Variants in CIT observed in about 807,000 individuals in gnomAD.
CIT encodes the protein citron Rho-interacting kinase.
In CIT, 79 loss-of-function variants were observed where a neutral mutation model predicts 272.7. That is an observed-to-expected ratio of 0.29 (90% CI 0.24 to 0.35). The LOEUF (loss-of-function observed/expected upper bound fraction) is 0.35. Among genes scored for constraint, CIT ranks in the 10% least tolerant of loss-of-function variants. The pLI, the probability that CIT is intolerant of heterozygous loss-of-function variation, is 1.00. For synonymous variants in CIT, 948 were observed against 995.6 expected (o/e 0.95, Z 0.90); for missense variants, 1,909 against 2,618.3 (o/e 0.73, Z 5.91).
At position 119,726,572 on chromosome 12, in the gene CIT, T is replaced by C. The variant is rs905783917; in HGVS notation, c.3591+1930A>G. ...ACTATACTTTTCAAACTTAACAGCA[T>C]AACAATATTATTTCTATCAGCAAAG... On this transcript the variant is annotated intron_variant, in intron 28 of 47. Coordinates refer to ENST00000392521, the MANE Select transcript of CIT (RefSeq NM_001206999.2). Among the ~76,000 whole-genome samples, 3 of 151,940 alleles carry C rather than the reference T, an allele frequency of 2.0e-5. No homozygotes were observed. The South Asian group carries it at 6.2e-4, about 32-fold the overall frequency.
At chr12:119,764,790 G>A (rs1413295506) in intron 19 of CIT, among the ~76,000 whole-genome samples, 1 of 152,026 alleles carries the variant, frequency 6.6e-6, no homozygotes, top group African/African-American at 2.4e-5. Context: ...TCTAACTGAT[G>A]CCCAATCAAA....
In CIT at chr12:119,728,624, T is replaced by C; in HGVS notation, c.3487-18A>G. ...TCATTGAGCTAGACATTTGGAAAGA[T>C]TGGCATAATGCCACACTTAGGAATG... On this transcript the variant is annotated intron_variant, in intron 27 of 47. Transcript: ENST00000392521. This position sits in a 1 kb window ranked among gnomAD's most constrained non-coding sequence, Gnocchi z 4.3. 1 of 1,521,788 alleles carries C rather than the reference T, an allele frequency of 6.6e-7. No individual in the cohort carries two copies. Among genetic ancestry groups the C allele is most frequent in the Non-Finnish European group, 9.1e-7 (1 of 1,102,230 alleles). 94.3% of individuals were successfully genotyped at this position (1,521,788 alleles called of 1,614,324 possible). A position where few individuals can be genotyped will look rare whatever the true frequency, so the allele number is the denominator to read the frequency against.
chr12:119,866,899 C>T (rs918955920), intron 3 of CIT, among the ~76,000 whole-genome samples: 1 of 152,178 alleles, frequency 6.6e-6, no homozygotes, highest in African/African-American at 2.4e-5. Flanking sequence ...GGGCTGTGTT[C>T]CAGTAAAACC....
intron 37 of CIT, chr12:119,711,160 A>G (rs1238457043): frequency 8.6e-6 from 11 of 1,279,712 alleles, no homozygotes; most frequent in African/African-American, 1.5e-5. Flanking sequence ...CAAGTCATCC[A>G]AACAGGTCTA....
intron 44 of CIT, chr12:119,700,026 G>A (rs894758929): frequency 2.9e-5 from 12 of 415,698 alleles, no homozygotes; most frequent in South Asian, 1.0e-4. Flanking sequence ...GATGTTCATC[G>A]TAGTGTTGTT....
At chr12:119,816,258 C>A (rs986516272) in intron 9 of CIT, among the ~76,000 whole-genome samples, 1 of 152,126 alleles carries the variant, frequency 6.6e-6, no homozygotes, top group Non-Finnish European at 1.5e-5. Flanking sequence ...AAGGAAATAT[C>A]TTTTTGCTAT....
At chr12:119,737,491 A>G (rs562056081) in intron 24 of CIT, among the ~76,000 whole-genome samples, 254 of 152,206 alleles carry the variant, frequency 1.7e-3, no homozygotes, top group South Asian at 4.4e-3. Context: ...GCAATTTATC[A>G]TTTGTGATGG....
chr12:119,825,617 A>C (rs1349360385), intron 7 of CIT, among the ~76,000 whole-genome samples: 1 of 152,164 alleles, frequency 6.6e-6, no homozygotes, highest in Non-Finnish European at 1.5e-5. Context: ...ATATACACAC[A>C]GCCTTCAGTT....
chr12:119,815,766 G>C (rs1967126536), intron 9 of CIT, among the ~76,000 whole-genome samples: 1 of 152,106 alleles, frequency 6.6e-6, no homozygotes, highest in Non-Finnish European at 1.5e-5. Context: ...TAAGAGGATA[G>C]GTTGTGCTAG....
chr12:119,703,711 C>A (rs1419619623), intron 41 of CIT, among the ~76,000 whole-genome samples: 6 of 152,312 alleles, frequency 3.9e-5, no homozygotes, highest in African/African-American at 1.2e-4. Context: ...TAGGCCTGAG[C>A]CAACATGCCC....
At chr12:119,693,229 T>C (rs1251834251) in intron 46 of CIT, among the ~76,000 whole-genome samples, 1 of 152,152 alleles carries the variant, frequency 6.6e-6, no homozygotes, top group Admixed American at 6.5e-5. Context: ...ACCACATCAA[T>C]TTTATGGTTT....
At chr12:119,766,242 GA>G (rs35120695) in intron 19 of CIT, among the ~76,000 whole-genome samples, 118,609 of 151,014 alleles carry the variant, frequency 0.79, 46,698 homozygotes, top group Middle Eastern at 0.89. Context: ...AAGTTGAAGG[GA>G]AAAAAAAAAG....
chr12:119,745,374 CAAAAAAAA>C (rs757825062), intron 23 of CIT, among the ~76,000 whole-genome samples: 10 of 7,014 alleles, frequency 1.4e-3, no homozygotes, highest in Admixed American at 8.4e-3. Context: ...AAGAAACAAG[CAAAAAAAA>C]AAAAAAAAAA....
chr12:119,873,961 G>A (rs567162846), intron 2 of CIT, among the ~76,000 whole-genome samples: 2 of 152,212 alleles, frequency 1.3e-5, no homozygotes, highest in South Asian at 4.2e-4. Context: ...TTTACTAAGA[G>A]CCAGGCAAGG....
intron 3 of CIT, among the ~76,000 whole-genome samples, chr12:119,864,053 G>T (rs542629872): frequency 6.6e-6 from 1 of 151,458 alleles, no homozygotes; most frequent in Non-Finnish European, 1.5e-5. Flanking sequence ...ATCTATTATC[G>T]CAGCCCAAAC....
intron 40 of CIT, 56 bp downstream of exon 40, chr12:119,708,123 G>C: frequency 6.9e-7 from 1 of 1,450,506 alleles, no homozygotes; most frequent in East Asian, 2.6e-5. Flanking sequence ...TGTGGGAAGA[G>C]AGGTAGTGTC....
chr12:119,691,826 A>ATTT (rs1392563391), intron 46 of CIT, among the ~76,000 whole-genome samples: 10 of 152,218 alleles, frequency 6.6e-5, no homozygotes, highest in Non-Finnish European at 1.0e-4. Context: ...CAGCTCTAAA[A>ATTT]GTACTAGGGT....
At chr12:119,749,978 G>A (rs1959986522) in intron 23 of CIT, among the ~76,000 whole-genome samples, 1 of 152,190 alleles carries the variant, frequency 6.6e-6, no homozygotes, top group African/African-American at 2.4e-5. Context: ...CAACAGAGCA[G>A]CAAGATAAAT....
chr12:119,710,745 C>A lies in CIT; in HGVS notation c.4855-125G>T. 2 of 899,588 alleles carry A rather than the reference C, an allele frequency of 2.2e-6. No homozygotes were observed. Among genetic ancestry groups the A allele is most frequent in the Non-Finnish European group, 3.5e-6 (2 of 563,944 alleles). 55.7% of individuals were successfully genotyped at this position (899,588 alleles called of 1,614,324 possible). ...TTATTCCTGGAAATGCTCAGAAACGCACATATGCTCTTAGCTCAGCCCGTA... is the reference window on the plus strand; with the variant it reads ...TTATTCCTGGAAATGCTCAGAAACGAACATATGCTCTTAGCTCAGCCCGTA... On this transcript the variant is annotated intron_variant, in intron 37 of 47. Coordinates refer to ENST00000392521, the MANE Select transcript of CIT (RefSeq NM_001206999.2). This position sits in a 1 kb window ranked among gnomAD's most constrained non-coding sequence, Gnocchi z 5.6.
Sources: allele counts gnomAD v4.1 joint callset (sites outside exome capture counted in the v4.1 genomes callset), GRCh38; gene constraint gnomAD v4.1.1; non-coding constraint Gnocchi (gnomAD v3.1); transcripts MANE v1.5; gene names NCBI Gene and HGNC (gene_info 2026-07-23, HGNC 2026-07-21).